EYA2: variants seen among roughly 807,000 people sequenced by gnomAD.
The protein encoded by EYA2 is protein phosphatase EYA2.
Under a neutral mutation model 69.2 loss-of-function variants are expected in EYA2, and 31 were observed. That is an observed-to-expected ratio of 0.45 (90% CI 0.34 to 0.60). The LOEUF (loss-of-function observed/expected upper bound fraction) is 0.60. Ranked by LOEUF, EYA2 falls within the 20% of genes least tolerant of loss-of-function variation. The pLI, the probability that EYA2 is intolerant of heterozygous loss-of-function variation, is 0.02. For synonymous variants in EYA2, 257 were observed against 279.4 expected (o/e 0.92, Z 0.80); for missense variants, 622 against 701.2 (o/e 0.89, Z 1.28).
At chr20:46,992,486 T>C (rs1981743444) in intron 2 of EYA2, among the ~76,000 whole-genome samples, 1 of 151,968 alleles carries the variant, frequency 6.6e-6, no homozygotes, top group Non-Finnish European at 1.5e-5. Flanking sequence ...CATGGAGGAG[T>C]TACGTAACCA....
intron 9 of EYA2, among the ~76,000 whole-genome samples, chr20:47,126,795 G>T (rs1294680510): frequency 6.6e-6 from 1 of 152,100 alleles, no homozygotes; most frequent in Non-Finnish European, 1.5e-5. Context: ...AGACATTTTT[G>T]ACTGTCACAA....
intron 1 of EYA2, among the ~76,000 whole-genome samples, chr20:46,987,437 TA>T (rs1568706443): frequency 6.6e-6 from 1 of 152,176 alleles, no homozygotes; most frequent in African/African-American, 2.4e-5. Context: ...GCCCCTGAAT[TA>T]AAGCACTACA....
At chr20:46,899,149 G>C (rs1983967003) in intron 1 of EYA2, among the ~76,000 whole-genome samples, 2 of 152,152 alleles carry the variant, frequency 1.3e-5, no homozygotes, top group East Asian at 3.8e-4. Flanking sequence ...GGGCCAGACT[G>C]AGTGAAAATG....
chr20:47,047,396 C>CTCTCTTTTTTTTTTTT (rs1555816932), intron 5 of EYA2, among the ~76,000 whole-genome samples: 3 of 148,164 alleles, frequency 2.0e-5, no homozygotes, highest in Non-Finnish European at 4.5e-5. Context: ...CTCTCTCTCT[C>CTCTCTTTTTTTTTTTT]TTTTTTTTGA....
chr20:47,152,810 CAA>C (rs1374007225), intron 10 of EYA2, among the ~76,000 whole-genome samples: 8 of 76,492 alleles, frequency 1.0e-4, no homozygotes, highest in Admixed American at 3.2e-4. Context: ...GACTCAGTCT[CAA>C]AAAAAAAAAA....
intron 9 of EYA2, among the ~76,000 whole-genome samples, chr20:47,104,907 G>A (rs1165382554): frequency 1.3e-5 from 2 of 152,160 alleles, no homozygotes; most frequent in African/African-American, 4.8e-5. Flanking sequence ...TGTAATCCCA[G>A]CTACTTGGGA....
chr20:47,145,770 G>T (rs1052399878), intron 10 of EYA2, among the ~76,000 whole-genome samples: 14 of 151,884 alleles, frequency 9.2e-5, no homozygotes, highest in African/African-American at 3.1e-4. Flanking sequence ...GTGTGGTGGC[G>T]GGTGCCTGTA....
At position 47,143,074 on chromosome 20, in the gene EYA2, G is replaced by A. The variant is rs1298648031; in HGVS notation, c.904G>A (p.Val302Met). 15 of 1,613,484 alleles carry A rather than the reference G, an allele frequency of 9.3e-6. No individual in the cohort carries two copies. The highest frequency in any genetic ancestry group is 5.3e-5 in the African/African-American group (4 of 74,910). ...TGCCTCGCAGGACACCACGACGTCCGTGCGCATTGGCCTTATGATGGAAGA... is the reference window on the plus strand; with the variant it reads ...TGCCTCGCAGGACACCACGACGTCCATGCGCATTGGCCTTATGATGGAAGA... ...SRYGKDTTTS[V>M]RIGLMMEEMI... The change falls in exon 10 of 16, where the codon GTG becomes ATG. Residue 302 changes from valine to methionine, a missense_variant. By Grantham distance (21) the Val-to-Met change is conservative. Coordinates refer to ENST00000327619, the MANE Select transcript of EYA2 (RefSeq NM_005244.5).
intron 7 of EYA2, among the ~76,000 whole-genome samples, chr20:47,081,662 C>A (rs2146491210): frequency 6.6e-6 from 1 of 151,486 alleles, no homozygotes; most frequent in South Asian, 2.1e-4. Context: ...GCCTGTGATC[C>A]CAGCTACTCA....
intron 1 of EYA2, among the ~76,000 whole-genome samples, chr20:46,929,393 G>A (rs1004341643): frequency 7.1e-6 from 1 of 139,946 alleles, no homozygotes; most frequent in Non-Finnish European, 1.5e-5. Flanking sequence ...GGAGGCAGGA[G>A]AAAAAGCTTG....
chr20:47,042,696 C>T lies in EYA2; in HGVS notation c.415+26399C>T, dbSNP rs528415096. Among the ~76,000 whole-genome samples the T allele has an allele frequency of 1.1e-3, 165 of 152,268 alleles. 1 individual carries two copies. Among genetic ancestry groups the T allele is most frequent in the Non-Finnish European group, 2.1e-3 (143 of 68,026 alleles). On this transcript the variant is annotated intron_variant, in intron 5 of 15. Transcript: ENST00000327619. ...ACAGAGAACCGAGTGTCCCAGCTTC[C>T]CTCTGTCGGTCTACCCTGCTATACT...
intron 1 of EYA2, among the ~76,000 whole-genome samples, chr20:46,966,111 G>A (rs7261550): frequency 0.35 from 52,550 of 152,094 alleles, 10,683 homozygotes; most frequent in Non-Finnish European, 0.46. Context: ...GGATATGAAC[G>A]AGGCAACCTC....
In EYA2 at chr20:47,057,512, C is replaced by CA. The variant is rs368422442; in HGVS notation, c.416-14673_416-14672insA. ...ATCTGCTGACTACTTTTTATATCAC[C>CA]CCCCCCCCCCATCTCATACCTCCAG... On this transcript the variant is annotated intron_variant, in intron 5 of 15. Coordinates refer to ENST00000327619, the MANE Select transcript of EYA2 (RefSeq NM_005244.5). 8.2e-3 allele frequency among the ~76,000 whole-genome samples: 1,018 copies of CA among 124,530 alleles called. 39 individuals are homozygous for CA. The highest frequency in any genetic ancestry group is 0.039 in the African/African-American group (960 of 24,676). The allele number at this position is 124,530 out of a possible 152,430, so 81.7% of individuals were successfully genotyped here. A position where few individuals can be genotyped will look rare whatever the true frequency, so the allele number is the denominator to read the frequency against.
chr20:47,135,845 A>AAAAAAAAAAC (rs1568800678), intron 9 of EYA2, among the ~76,000 whole-genome samples: 1 of 78,570 alleles, frequency 1.3e-5, no homozygotes, highest in Non-Finnish European at 2.3e-5. Flanking sequence ...AAAAAAACAA[A>AAAAAAAAAAC]CAAACAAACA....
In EYA2 at chr20:47,074,787, G is replaced by A. The variant is rs75505046; in HGVS notation, c.661+452G>A. On this transcript the variant is annotated intron_variant, in intron 7 of 15. Transcript: ENST00000327619. Reference sequence around the variant, plus strand: ...TGTTCATTACTGCCTGGCCCATGTAGGCCTTGGAGTTGATGAACCCTGGTA... The same window carrying A: ...TGTTCATTACTGCCTGGCCCATGTAAGCCTTGGAGTTGATGAACCCTGGTA... Among the ~76,000 whole-genome samples, 719 of 152,238 alleles carry A rather than the reference G, an allele frequency of 4.7e-3. 8 individuals carry two copies. Among genetic ancestry groups the A allele is most frequent in the Admixed American group, 0.011 (174 of 15,292 alleles).
At chr20:47,113,867 T>TTG (rs1555826776) in intron 9 of EYA2, among the ~76,000 whole-genome samples, 22 of 151,718 alleles carry the variant, frequency 1.5e-4, no homozygotes, top group Non-Finnish European at 2.2e-4. Flanking sequence ...TTTTTTTTTT[T>TTG]TGTGGATATG....
chr20:46,954,661 G>A (rs765929102), intron 1 of EYA2, among the ~76,000 whole-genome samples: 12 of 152,128 alleles, frequency 7.9e-5, no homozygotes, highest in African/African-American at 2.2e-4. Context: ...CCTTTCAGCC[G>A]AGCAAGTGAA....
In EYA2 at chr20:47,149,892, C is replaced by T. The variant is rs559803794; in HGVS notation, c.978+6744C>T. Among the ~76,000 whole-genome samples the T allele has an allele frequency of 3.7e-4, 57 of 152,204 alleles. No individual in the cohort carries two copies. In the South Asian group the frequency reaches 5.8e-3, roughly 16 times the overall value. Reference sequence around the variant, plus strand: ...ATACATACATACACACATACACACACGCAAGATTTGCAGGCAAGATGCAGC... The same window carrying T: ...ATACATACATACACACATACACACATGCAAGATTTGCAGGCAAGATGCAGC... On this transcript the variant is annotated intron_variant, in intron 10 of 15. Transcript: ENST00000327619.
chr20:47,032,338 G>A (rs1984465795), intron 5 of EYA2, among the ~76,000 whole-genome samples: 1 of 151,968 alleles, frequency 6.6e-6, no homozygotes, highest in Non-Finnish European at 1.5e-5. Flanking sequence ...CATGTCCCAG[G>A]AAGGCAGCTT....
Sources: allele counts gnomAD v4.1 joint callset (sites outside exome capture counted in the v4.1 genomes callset), GRCh38; gene constraint gnomAD v4.1.1; transcripts MANE v1.5; gene names NCBI Gene and HGNC (gene_info 2026-07-23, HGNC 2026-07-21).